Variants in RRAGB observed in about 807,000 individuals in gnomAD.
RRAGB encodes the protein ras-related GTP-binding protein B.
RRAGB carries 6 observed loss-of-function variants against 29.3 expected under a neutral mutation model. The observed-to-expected ratio is 0.21, with a 90% CI of 0.11 to 0.40. The LOEUF (loss-of-function observed/expected upper bound fraction) is 0.40. RRAGB is among the 10% of genes least tolerant of loss of function. The pLI is 1.00. For missense variants in RRAGB, 184 were observed against 272.9 expected (o/e 0.67, Z 2.29); for synonymous variants, 101 against 92.5 (o/e 1.09, Z -0.53).
chrX:55,730,731 CAATG>C (rs1251084728), intron 4 of RRAGB, among the ~76,000 whole-genome samples: 3 of 111,410 alleles, frequency 2.7e-5, no homozygotes, highest in Non-Finnish European at 3.8e-5. Flanking sequence ...AGCTGGGAAA[CAATG>C]AAGGATAGTA....
At chrX:55,729,961 TG>T (rs2033619860) in intron 4 of RRAGB, among the ~76,000 whole-genome samples, 1 of 112,156 alleles carries the variant, frequency 8.9e-6, no homozygotes, top group South Asian at 3.7e-4. Context: ...GGAGTCAGAT[TG>T]GGGTTTGTAC....
intron 4 of RRAGB, among the ~76,000 whole-genome samples, chrX:55,729,585 A>C (rs753681095): frequency 5.6e-4 from 62 of 111,540 alleles, no homozygotes; most frequent in African/African-American, 2.0e-3. Flanking sequence ...AGCTCCATCT[A>C]GGTATCTGTA....
chrX:55,728,780 T>G (rs1045887317), intron 3 of RRAGB, among the ~76,000 whole-genome samples: 1 of 110,728 alleles, frequency 9.0e-6, no homozygotes, highest in Admixed American at 9.6e-5. Flanking sequence ...AGGAATGGAT[T>G]TGAGAGAGAT....
At chrX:55,755,803 T>C (rs2034643347) in intron 7 of RRAGB, 38 bp from the exon 8 acceptor site, 2 of 1,171,562 alleles carry the variant, frequency 1.7e-6, no homozygotes, top group Non-Finnish European at 2.3e-6. Context: ...GATGTAACTA[T>C]TTTGCATGGA....
At chrX:55,745,768 T>C (rs2034223630) in intron 5 of RRAGB, among the ~76,000 whole-genome samples, 1 of 112,343 alleles carries the variant, frequency 8.9e-6, no homozygotes, top group Non-Finnish European at 1.9e-5. Context: ...AAGAGACCAA[T>C]GAGGGATTCT....
chrX:55,749,352 G>A (rs1201796337), intron 5 of RRAGB, among the ~76,000 whole-genome samples: 1 of 98,534 alleles, frequency 1.0e-5, no homozygotes, highest in East Asian at 3.5e-4. Flanking sequence ...CGCCCCATCC[G>A]GGAGGGAGGT....
intron 6 of RRAGB, chrX:55,751,721 G>A (rs1400594869): frequency 1.8e-5 from 2 of 112,102 alleles, no homozygotes; most frequent in Admixed American, 1.9e-4. Context: ...TCAACCAGAA[G>A]TACTGTTCCC....
chrX:55,738,778 A>G (rs2033952242), intron 5 of RRAGB, among the ~76,000 whole-genome samples: 1 of 111,712 alleles, frequency 9.0e-6, no homozygotes, highest in Non-Finnish European at 1.9e-5. Flanking sequence ...TCAGGGGAAG[A>G]ACTTGTGTCT....
chrX:55,734,513 TCTTG>T (rs778806099), intron 5 of RRAGB, among the ~76,000 whole-genome samples: 2 of 111,981 alleles, frequency 1.8e-5, no homozygotes, highest in Admixed American at 1.9e-4. Flanking sequence ...AATCTTCTTT[TCTTG>T]CTTTATCTAG....
At chrX:55,730,340 A>G (rs1055661877) in intron 4 of RRAGB, among the ~76,000 whole-genome samples, 1 of 112,116 alleles carries the variant, frequency 8.9e-6, no homozygotes, top group African/African-American at 3.2e-5. Context: ...CATTGGTTCT[A>G]ATTTTCTAAT....
chrX:55,757,392 G>T, intron 9 of RRAGB, 61 bp downstream of exon 9: 1 of 629,130 alleles, frequency 1.6e-6, no homozygotes. Flanking sequence ...AATTGTCCCA[G>T]AGGTAGTACT....
chrX:55,725,315 G>A (rs1276909786), intron 3 of RRAGB, among the ~76,000 whole-genome samples: 1 of 111,879 alleles, frequency 8.9e-6, no homozygotes, highest in Non-Finnish European at 1.9e-5. Context: ...CTCCTTACAG[G>A]TAGTGAAAGT....
chrX:55,747,744 T>C (rs2034292153), intron 5 of RRAGB, among the ~76,000 whole-genome samples: 1 of 111,357 alleles, frequency 9.0e-6, no homozygotes, highest in Non-Finnish European at 1.9e-5. Context: ...TTAGGGCCTT[T>C]AAATCTAATC....
intron 5 of RRAGB, among the ~76,000 whole-genome samples, chrX:55,739,655 G>C (rs1168219964): frequency 9.0e-6 from 1 of 110,836 alleles, no homozygotes; most frequent in Admixed American, 9.5e-5. Flanking sequence ...GTAGGTTGCT[G>C]CCCACCACTT....
chrX:55,738,800 C>T (rs1427445332), intron 5 of RRAGB, among the ~76,000 whole-genome samples: 1 of 111,610 alleles, frequency 9.0e-6, no homozygotes, highest in African/African-American at 3.3e-5. Flanking sequence ...AGGCGATGGG[C>T]AAGGCCATGG....
intron 5 of RRAGB, among the ~76,000 whole-genome samples, chrX:55,742,839 C>T (rs992911308): frequency 9.0e-6 from 1 of 111,592 alleles, no homozygotes; most frequent in Non-Finnish European, 1.9e-5. Context: ...CACATACAGC[C>T]TCCTAGAGAA....
intron 7 of RRAGB, chrX:55,754,996 T>G: frequency 1.9e-6 from 1 of 518,318 alleles, no homozygotes; most frequent in Non-Finnish European, 2.4e-6. Context: ...CCACACATGG[T>G]TGTAGAGGTT....
intron 1 of RRAGB, among the ~76,000 whole-genome samples, chrX:55,718,922 A>G (rs1372157050): frequency 8.9e-6 from 1 of 112,051 alleles, no homozygotes. Context: ...TTTTATACAT[A>G]GAAGATATTC....
intron 9 of RRAGB, among the ~76,000 whole-genome samples, chrX:55,757,689 A>C (rs965164575): frequency 8.9e-5 from 10 of 112,037 alleles, no homozygotes; most frequent in Admixed American, 7.6e-4. Flanking sequence ...TAAAGAAAAA[A>C]CCCAAATACA....
Sources: gnomAD v4.1 joint callset for allele counts (sites outside exome capture counted in the v4.1 genomes callset) on GRCh38, gnomAD v4.1.1 for gene constraint, MANE v1.5 for transcripts, NCBI Gene and HGNC (gene_info 2026-07-23, HGNC 2026-07-21) for gene names.